Variants in PPM1H observed in about 807,000 individuals in gnomAD.
PPM1H encodes protein phosphatase 1H.
A neutral mutation model predicts 54.9 loss-of-function variants in PPM1H; 27 were observed. That is an observed-to-expected ratio of 0.49 (90% CI 0.36 to 0.68). PPM1H has a LOEUF of 0.68. Ranked by LOEUF, PPM1H falls within the 30% of genes least tolerant of loss-of-function variation. The pLI is 0.00. For missense variants in PPM1H, 596 were observed against 667.8 expected (o/e 0.89, Z 1.19); for synonymous variants, 305 against 270.8 (o/e 1.13, Z -1.24).
intron 1 of PPM1H, among the ~76,000 whole-genome samples, chr12:62,894,715 A>C (rs1187043498): frequency 2.0e-5 from 3 of 152,200 alleles, no homozygotes; most frequent in Non-Finnish European, 2.9e-5. Flanking sequence ...TGTAATGCCT[A>C]TCCTATTTGA....
intron 6 of PPM1H, among the ~76,000 whole-genome samples, chr12:62,713,067 A>G (rs567924557): frequency 8.5e-5 from 13 of 152,308 alleles, no homozygotes; most frequent in Admixed American, 2.6e-4. Context: ...AGCTGTATCT[A>G]TATTTGTAAA....
At chr12:62,713,591 A>T (rs2076219240) in intron 6 of PPM1H, among the ~76,000 whole-genome samples, 1 of 152,208 alleles carries the variant, frequency 6.6e-6, no homozygotes, top group Admixed American at 6.5e-5. Flanking sequence ...CTGCTGACTC[A>T]GAGTCTGGCA....
At chr12:62,671,761 C>T (rs1319757045) in intron 8 of PPM1H, among the ~76,000 whole-genome samples, 1 of 152,176 alleles carries the variant, frequency 6.6e-6, no homozygotes, top group East Asian at 1.9e-4. Flanking sequence ...ATTCCTGTTA[C>T]TCAGTGTTAG....
In PPM1H at chr12:62,699,113, A is replaced by G. The variant is rs2120367580; in HGVS notation, c.1074-5114T>C. ...GGCAACATTTCAGGCATGTGAAGGA[A>G]AGCAATTCAAAAACATCAAATTCAG... On this transcript the variant is annotated intron_variant, in intron 6 of 9. Transcript: ENST00000228705. 1.3e-5 allele frequency among the ~76,000 whole-genome samples: 2 copies of G among 152,370 alleles called. 1 individual carries two copies. Among genetic ancestry groups the G allele is most frequent in the South Asian group, 4.1e-4 (2 of 4,834 alleles).
intron 1 of PPM1H, among the ~76,000 whole-genome samples, chr12:62,906,721 A>G (rs1296666103): frequency 6.6e-6 from 1 of 152,218 alleles, no homozygotes; most frequent in African/African-American, 2.4e-5. Context: ...AGAGGCAACA[A>G]TAGAAGAAGA....
chr12:62,737,888 C>T (rs557610643), intron 4 of PPM1H, among the ~76,000 whole-genome samples: 5 of 152,242 alleles, frequency 3.3e-5, no homozygotes, highest in East Asian at 1.9e-4. Context: ...AATAAATGGA[C>T]GGATGGATGA....
At chr12:62,684,654 G>T (rs1332747886) in intron 8 of PPM1H, among the ~76,000 whole-genome samples, 1 of 152,054 alleles carries the variant, frequency 6.6e-6, no homozygotes, top group Admixed American at 6.6e-5. Flanking sequence ...ACCAGACTGA[G>T]CTGGGTTTGA....
intron 4 of PPM1H, chr12:62,755,081 G>A (rs983145177): frequency 2.0e-5 from 7 of 356,622 alleles, no homozygotes; most frequent in Non-Finnish European, 3.8e-5. Context: ...GCCAGTGATC[G>A]TCTTTGGATG....
intron 7 of PPM1H, among the ~76,000 whole-genome samples, chr12:62,693,273 A>G (rs971824395): frequency 6.6e-6 from 1 of 152,206 alleles, no homozygotes; most frequent in Non-Finnish European, 1.5e-5. Context: ...TTGGTTCGAC[A>G]ACGTGCTGTT....
At chr12:62,883,445 T>C (rs1015445746) in intron 1 of PPM1H, among the ~76,000 whole-genome samples, 2 of 152,098 alleles carry the variant, frequency 1.3e-5, no homozygotes, top group Non-Finnish European at 2.9e-5. Flanking sequence ...TGAAGTAGAT[T>C]CTGAGTCCCA....
At chr12:62,663,273 G>C (rs907257188) in intron 9 of PPM1H, among the ~76,000 whole-genome samples, 34 of 151,890 alleles carry the variant, frequency 2.2e-4, no homozygotes, top group African/African-American at 8.0e-4. Flanking sequence ...AAACACAAAT[G>C]GTTGGTCCTA....
chr12:62,771,197 T>C (rs1285325476), intron 4 of PPM1H, among the ~76,000 whole-genome samples: 1 of 137,804 alleles, frequency 7.3e-6, no homozygotes. Context: ...AAATACTAGG[T>C]AAAAAAAAAA....
At chr12:62,909,458 A>T (rs931794753) in intron 1 of PPM1H, among the ~76,000 whole-genome samples, 3 of 151,882 alleles carry the variant, frequency 2.0e-5, no homozygotes, top group Middle Eastern at 3.2e-3. Flanking sequence ...CCTTCTCCCC[A>T]GCCACCCTCA....
At chr12:62,701,706 G>T (rs1288743547) in intron 6 of PPM1H, among the ~76,000 whole-genome samples, 1 of 151,294 alleles carries the variant, frequency 6.6e-6, no homozygotes, top group Non-Finnish European at 1.5e-5. Flanking sequence ...ACACCAGGGG[G>T]CCTGGTCATT....
At chr12:62,658,045 A>C (rs1201278876) in intron 9 of PPM1H, among the ~76,000 whole-genome samples, 1 of 127,748 alleles carries the variant, frequency 7.8e-6, no homozygotes, top group Non-Finnish European at 1.6e-5. Context: ...AGGGTCATTA[A>C]ATCCAGGTTA....
intron 8 of PPM1H, among the ~76,000 whole-genome samples, chr12:62,675,302 C>T (rs1036061804): frequency 6.6e-6 from 1 of 152,178 alleles, no homozygotes; most frequent in Non-Finnish European, 1.5e-5. Context: ...TGCCTAGCTG[C>T]TATTGCATAA....
At chr12:62,691,266 T>G (rs1223490071) in intron 7 of PPM1H, among the ~76,000 whole-genome samples, 1 of 152,086 alleles carries the variant, frequency 6.6e-6, no homozygotes, top group African/African-American at 2.4e-5. Flanking sequence ...ATATATCCGG[T>G]GTAGTGAAAT....
At chr12:62,873,686 T>C (rs1372391369) in intron 1 of PPM1H, among the ~76,000 whole-genome samples, 1 of 152,142 alleles carries the variant, frequency 6.6e-6, no homozygotes, top group Admixed American at 6.5e-5. Flanking sequence ...ACCTATATAT[T>C]CATTCAGCAA....
chr12:62,786,804 G>C (rs2076674604), intron 4 of PPM1H, among the ~76,000 whole-genome samples: 1 of 152,154 alleles, frequency 6.6e-6, no homozygotes, highest in South Asian at 2.1e-4. Context: ...TCCATTTACT[G>C]GGCAGAATTT....
Sources: gnomAD v4.1 joint callset for allele counts (sites outside exome capture counted in the v4.1 genomes callset) on GRCh38, gnomAD v4.1.1 for gene constraint, MANE v1.5 for transcripts, NCBI Gene and HGNC (gene_info 2026-07-23, HGNC 2026-07-21) for gene names.